MEI4: variants seen among roughly 807,000 people sequenced by gnomAD.
MEI4 encodes meiotic double-stranded break formation protein 4.
A neutral mutation model predicts 31.4 loss-of-function variants in MEI4; 27 were observed. The ratio of observed to expected loss-of-function variants is 0.86; its 90% CI spans 0.63 to 1.19. MEI4 has a LOEUF of 1.19. MEI4 is among the 50% of genes most tolerant of loss of function. MEI4 has a pLI of 0.00. For missense variants in MEI4, 329 were observed against 398.9 expected (o/e 0.82, Z 1.49); for synonymous variants, 122 against 145.4 (o/e 0.84, Z 1.16).
chr6:77,860,982 C>T (rs993678961), intron 4 of MEI4, among the ~76,000 whole-genome samples: 3 of 152,200 alleles, frequency 2.0e-5, no homozygotes, highest in African/African-American at 7.2e-5. Flanking sequence ...TCTTGTCTCT[C>T]AGAGCATCAT....
intron 4 of MEI4, among the ~76,000 whole-genome samples, chr6:77,905,005 T>A (rs1766261982): frequency 6.6e-6 from 1 of 152,180 alleles, no homozygotes; most frequent in African/African-American, 2.4e-5. Context: ...TTTTATACTT[T>A]CATGTTTTAG....
At chr6:77,711,175 T>C (rs1766457106) in intron 2 of MEI4, among the ~76,000 whole-genome samples, 1 of 152,134 alleles carries the variant, frequency 6.6e-6, no homozygotes. Context: ...TGTTGTACAG[T>C]ATAGTGACTG....
In MEI4 at chr6:77,761,627, C is replaced by T; in HGVS notation, c.730C>T (p.Leu244=). The T allele has an allele frequency of 1.6e-6, 2 of 1,231,732 alleles. No homozygotes were observed. Among genetic ancestry groups the T allele is most frequent in the East Asian group, 3.2e-5 (1 of 31,658 alleles). 76.3% of individuals were successfully genotyped at this position (1,231,732 alleles called of 1,614,324 possible). ...GAAGTTGGAAGAATTTGAGAAAACC[C>T]TACTACATGCTATTTTAGGAAACAA... ...SKKLEEFEKT[L]LHAILGNNHI... is the part of the protein sequence containing the mutation. The change falls in exon 3 of 5, where the codon CTA becomes TTA. Residue 244 remains leucine (L), a synonymous_variant. Coordinates refer to ENST00000684080, the MANE Select transcript of MEI4 (RefSeq NM_001322247.2).
chr6:77,839,466 G>A (rs1300659557), intron 4 of MEI4, among the ~76,000 whole-genome samples: 1 of 152,068 alleles, frequency 6.6e-6, no homozygotes, highest in Admixed American at 6.6e-5. Flanking sequence ...ATTCTATGTA[G>A]GAAGGATATA....
At chr6:77,884,846 TG>T (rs1771582148) in intron 4 of MEI4, among the ~76,000 whole-genome samples, 11 of 152,206 alleles carry the variant, frequency 7.2e-5, no homozygotes, top group Admixed American at 7.2e-4. Context: ...GGTTCATTTG[TG>T]GTTGTATACA....
chr6:77,862,436 A>C (rs571012709), intron 4 of MEI4, among the ~76,000 whole-genome samples: 2 of 152,346 alleles, frequency 1.3e-5, no homozygotes, highest in South Asian at 2.1e-4. Flanking sequence ...TATCCCACGC[A>C]TGGCTCAGAG....
At chr6:77,811,194 G>C (rs1769568073) in intron 3 of MEI4, among the ~76,000 whole-genome samples, 1 of 152,142 alleles carries the variant, frequency 6.6e-6, no homozygotes, top group South Asian at 2.1e-4. Flanking sequence ...ACTAGTATCA[G>C]ATTGTCAAAG....
In MEI4 at chr6:77,738,596, G is replaced by C. The variant is rs149901745; in HGVS notation, c.233-22534G>C. Among the ~76,000 whole-genome samples, 1,064 of 150,848 alleles carry C rather than the reference G, an allele frequency of 7.1e-3. 13 individuals carry two copies. The highest frequency in any genetic ancestry group is 0.025 in the African/African-American group (1,004 of 40,924). On this transcript the variant is annotated intron_variant, in intron 2 of 4. Transcript: ENST00000684080. ...ATAGTAGAATGATTTATAATCATTT[G>C]GGTGTATATTCAGTAATGGGATTTC...
At chr6:77,897,657 T>C (rs1013216892) in intron 4 of MEI4, among the ~76,000 whole-genome samples, 2 of 151,996 alleles carry the variant, frequency 1.3e-5, no homozygotes. Flanking sequence ...ATCACACATA[T>C]TAGACATAAA....
intron 4 of MEI4, among the ~76,000 whole-genome samples, chr6:77,908,865 C>T (rs1035609179): frequency 4.6e-5 from 7 of 152,010 alleles, no homozygotes; most frequent in Admixed American, 1.3e-4. Context: ...CCTTAGATAC[C>T]TACAAAGAGA....
chr6:77,660,979 A>G (rs1245078092), intron 1 of MEI4, among the ~76,000 whole-genome samples: 3 of 152,142 alleles, frequency 2.0e-5, no homozygotes, highest in African/African-American at 7.2e-5. Context: ...CAGCCTGGCG[A>G]ATTTCCTGTC....
At chr6:77,863,220 C>A (rs1214411611) in intron 4 of MEI4, among the ~76,000 whole-genome samples, 1 of 152,032 alleles carries the variant, frequency 6.6e-6, no homozygotes, top group African/African-American at 2.4e-5. Context: ...AGCAATGGAA[C>A]AAAGCTGGAT....
intron 1 of MEI4, among the ~76,000 whole-genome samples, chr6:77,668,313 G>T (rs1279407713): frequency 2.0e-5 from 3 of 152,178 alleles, no homozygotes; most frequent in Non-Finnish European, 4.4e-5. Context: ...GGGCAAACCT[G>T]AGATTAATAA....
At chr6:77,899,678 A>G (rs1334535432) in intron 4 of MEI4, among the ~76,000 whole-genome samples, 1 of 152,094 alleles carries the variant, frequency 6.6e-6, no homozygotes, top group Non-Finnish European at 1.5e-5. Context: ...ATTACTCTAA[A>G]ACTAGTGGAA....
At chr6:77,759,613 A>G (rs1767999593) in intron 2 of MEI4, among the ~76,000 whole-genome samples, 1 of 152,186 alleles carries the variant, frequency 6.6e-6, no homozygotes, top group African/African-American at 2.4e-5. Flanking sequence ...CATGGAATGC[A>G]TGTATTCATA....
At chr6:77,873,043 G>A (rs1452739899) in intron 4 of MEI4, among the ~76,000 whole-genome samples, 8 of 151,504 alleles carry the variant, frequency 5.3e-5, no homozygotes, top group Middle Eastern at 3.4e-3. Flanking sequence ...ATAAACATAC[G>A]TGTGCATGTG....
At chr6:77,912,817 T>A (rs932267088) in intron 4 of MEI4, among the ~76,000 whole-genome samples, 1 of 152,156 alleles carries the variant, frequency 6.6e-6, no homozygotes, top group Non-Finnish European at 1.5e-5. Context: ...CTAATTGCTC[T>A]GGTTAGGACT....
At chr6:77,746,351 G>T (rs576793197) in intron 2 of MEI4, among the ~76,000 whole-genome samples, 4 of 152,274 alleles carry the variant, frequency 2.6e-5, no homozygotes, top group South Asian at 4.2e-4. Flanking sequence ...CGAAATGTAG[G>T]TTGGCCTCAT....
Position 77,754,400 on chromosome 6 carries a change from G to T in MEI4, c.233-6730G>T, listed in dbSNP as rs1234436244. Among the ~76,000 whole-genome samples the T allele has an allele frequency of 2.0e-5, 3 of 152,222 alleles. No homozygotes were observed. The East Asian group carries it at 5.8e-4, about 29-fold the overall frequency. ...CCAGTTCCCAATAAGTTCCTCATCTGCACCTGAGACCACCTCAGCCTAGGC... is the reference window on the plus strand; with the variant it reads ...CCAGTTCCCAATAAGTTCCTCATCTTCACCTGAGACCACCTCAGCCTAGGC... On this transcript the variant is annotated intron_variant, in intron 2 of 4. Transcript: ENST00000684080.
Sources: allele counts gnomAD v4.1 joint callset (sites outside exome capture counted in the v4.1 genomes callset), GRCh38; gene constraint gnomAD v4.1.1; transcripts MANE v1.5; gene names NCBI Gene and HGNC (gene_info 2026-07-23, HGNC 2026-07-21).